Variants in SRPK2 observed in about 807,000 individuals in gnomAD.
The protein encoded by SRPK2 is SFRS protein kinase 2.
A neutral mutation model predicts 90.8 loss-of-function variants in SRPK2; 21 were observed. The observed-to-expected ratio is 0.23, with a 90% CI of 0.16 to 0.33. The LOEUF (loss-of-function observed/expected upper bound fraction) is 0.33, where lower values mean the gene tolerates loss of function less well. SRPK2 is among the 10% of genes least tolerant of loss of function. The pLI is 1.00. For missense variants in SRPK2, 620 were observed against 869.0 expected (o/e 0.71, Z 3.60); for synonymous variants, 288 against 311.1 (o/e 0.93, Z 0.78).
chr7:105,372,553 A>G (rs1387169577), intron 2 of SRPK2, among the ~76,000 whole-genome samples: 1 of 152,148 alleles, frequency 6.6e-6, no homozygotes, highest in Non-Finnish European at 1.5e-5. Context: ...CCCAACCCAA[A>G]CAAAGGAAAG....
chr7:105,222,229 G>C (rs1255533686), intron 2 of SRPK2, among the ~76,000 whole-genome samples: 2 of 152,188 alleles, frequency 1.3e-5, no homozygotes, highest in Non-Finnish European at 2.9e-5. Context: ...ATGCCAAACT[G>C]CTTTGCAAAA....
chr7:105,241,176 G>GTA (rs946922893), intron 2 of SRPK2, among the ~76,000 whole-genome samples: 1 of 152,110 alleles, frequency 6.6e-6, no homozygotes, highest in Non-Finnish European at 1.5e-5. Flanking sequence ...ACATATTGAG[G>GTA]TATATAACAG....
intron 15 of SRPK2, among the ~76,000 whole-genome samples, chr7:105,124,397 T>C (rs970466666): frequency 1.3e-5 from 2 of 151,810 alleles, no homozygotes; most frequent in African/African-American, 4.8e-5. Context: ...ATCCCAGCAA[T>C]TGGGAGGCCG....
At chr7:105,299,684 G>C (rs1179994411) in intron 2 of SRPK2, among the ~76,000 whole-genome samples, 1 of 152,128 alleles carries the variant, frequency 6.6e-6, no homozygotes, top group Non-Finnish European at 1.5e-5. Flanking sequence ...TCTGAGGTCA[G>C]GAGTTCTAGA....
chr7:105,170,786 A>AAGGAAGGAAGGACGGAC (rs1554435294), intron 3 of SRPK2, among the ~76,000 whole-genome samples: 1 of 67,586 alleles, frequency 1.5e-5, no homozygotes, highest in Non-Finnish European at 2.7e-5. Context: ...GAAGGACGGG[A>AAGGAAGGAAGGACGGAC]GGGAGGGAGG....
chr7:105,245,064 CA>C (rs1801442940), intron 2 of SRPK2: 5 of 656,796 alleles, frequency 7.6e-6, no homozygotes, highest in African/African-American at 1.8e-5. Flanking sequence ...CACACACACA[CA>C]CACACACACC....
chr7:105,381,478 A>G (rs1244614254), intron 2 of SRPK2, among the ~76,000 whole-genome samples: 1 of 151,972 alleles, frequency 6.6e-6, no homozygotes, highest in Non-Finnish European at 1.5e-5. Context: ...GAAAAAACAA[A>G]ACAAAACAAA....
At chr7:105,256,264 G>A (rs1237052349) in intron 2 of SRPK2, among the ~76,000 whole-genome samples, 2 of 152,156 alleles carry the variant, frequency 1.3e-5, no homozygotes, top group Admixed American at 1.3e-4. Context: ...TTTACCATAG[G>A]CTGAATCTGA....
At chr7:105,301,456 C>A in intron 2 of SRPK2, 1 of 888,718 alleles carries the variant, frequency 1.1e-6, no homozygotes, top group Non-Finnish European at 1.9e-6. Flanking sequence ...TGGGCCGCTG[C>A]CCTCGCTTTG....
chr7:105,159,270 G>C (rs1026923173), intron 7 of SRPK2, among the ~76,000 whole-genome samples: 1 of 151,680 alleles, frequency 6.6e-6, no homozygotes, highest in Non-Finnish European at 1.5e-5. Flanking sequence ...CAGACTGCCT[G>C]AGCTTAGGAG....
intron 2 of SRPK2, among the ~76,000 whole-genome samples, chr7:105,360,773 A>T (rs865887499): frequency 6.6e-6 from 1 of 152,172 alleles, no homozygotes; most frequent in South Asian, 2.1e-4. Flanking sequence ...GGGTAACCCG[A>T]CAGGCCTTCA....
intron 2 of SRPK2, among the ~76,000 whole-genome samples, chr7:105,233,075 GAAGGA>G (rs1799661055): frequency 3.6e-5 from 5 of 140,830 alleles, no homozygotes; most frequent in Middle Eastern, 3.5e-3. Flanking sequence ...AGGAAGGAAG[GAAGGA>G]AAGGAAGGAA....
intron 2 of SRPK2, among the ~76,000 whole-genome samples, chr7:105,247,541 C>A (rs1801862196): frequency 6.7e-6 from 1 of 149,902 alleles, no homozygotes; most frequent in African/African-American, 2.5e-5. Context: ...AACACACACA[C>A]ACACACACAC....
intron 2 of SRPK2, among the ~76,000 whole-genome samples, chr7:105,297,989 C>T (rs1052572485): frequency 3.9e-5 from 6 of 152,190 alleles, no homozygotes; most frequent in African/African-American, 1.4e-4. Flanking sequence ...ATCTGCCCAC[C>T]TCAGCCTCCC....
intron 2 of SRPK2, chr7:105,301,863 A>T: frequency 6.3e-7 from 1 of 1,579,332 alleles, no homozygotes; most frequent in Non-Finnish European, 8.7e-7. Flanking sequence ...ATGGAGAATC[A>T]CAATCCCATT....
intron 1 of SRPK2, among the ~76,000 whole-genome samples, chr7:105,398,875 C>G (rs114096828): frequency 0.015 from 2,222 of 152,250 alleles, 71 homozygotes; most frequent in African/African-American, 0.051. Flanking sequence ...ACTGCCTGAT[C>G]TGCAAAATGT....
chr7:105,133,932 CA>C (rs1362170045), intron 11 of SRPK2, among the ~76,000 whole-genome samples: 1 of 152,052 alleles, frequency 6.6e-6, no homozygotes, highest in Admixed American at 6.5e-5. Flanking sequence ...ATGCCTGTAT[CA>C]AGCAGAGTTA....
At chr7:105,305,844 A>G (rs1811085834) in intron 2 of SRPK2, among the ~76,000 whole-genome samples, 1 of 152,240 alleles carries the variant, frequency 6.6e-6, no homozygotes. Context: ...AAAGGGTGAT[A>G]AAGTACGGGG....
upstream of SRPK2, among the ~76,000 whole-genome samples, chr7:105,391,562 G>C (rs547724126): frequency 6.6e-6 from 1 of 152,244 alleles, no homozygotes; most frequent in East Asian, 1.9e-4. Flanking sequence ...TGTAATCTCA[G>C]CATTTTGGAG....
Sources: allele counts gnomAD v4.1 joint callset (sites outside exome capture counted in the v4.1 genomes callset), GRCh38; gene constraint gnomAD v4.1.1; transcripts MANE v1.5; gene names NCBI Gene and HGNC (gene_info 2026-07-23, HGNC 2026-07-21).